Variants in CNTN6 observed in about 807,000 individuals in gnomAD.
CNTN6 encodes the protein contactin-6.
CNTN6 carries 137 observed loss-of-function variants against 122.8 expected under a neutral mutation model. The observed-to-expected ratio is 1.12, with a 90% confidence interval of 0.97 to 1.29. CNTN6 has a LOEUF of 1.29. CNTN6 is among the 50% of genes most tolerant of loss of function. CNTN6 has a pLI of 0.00. For synonymous variants in CNTN6, 570 were observed against 426.0 expected, an observed-to-expected ratio of 1.34 and a Z score of -4.16; for missense variants, 1,634 against 1,223.4, an observed-to-expected ratio of 1.34 and a Z score of -5.01.
At chr3:1,308,917 C>T (rs1024096804) in intron 7 of CNTN6, among the ~76,000 whole-genome samples, 7 of 152,010 alleles carry the variant, frequency 4.6e-5, no homozygotes, top group Admixed American at 3.3e-4. Flanking sequence ...TGATTATTTG[C>T]TATCTATTTA....
chr3:1,268,328 CT>C (rs1283736322), intron 4 of CNTN6, among the ~76,000 whole-genome samples: 24 of 152,248 alleles, frequency 1.6e-4, no homozygotes, highest in African/African-American at 5.8e-4. Context: ...AGAGAGTGGG[CT>C]GGGCGCGGTG....
intron 12 of CNTN6, among the ~76,000 whole-genome samples, chr3:1,354,209 G>A (rs1457035103): frequency 6.6e-6 from 1 of 151,100 alleles, no homozygotes; most frequent in African/African-American, 2.4e-5. Flanking sequence ...TATTTCAGAT[G>A]TGTAATATAG....
chr3:1,387,207 A>C (rs911637196), intron 20 of CNTN6, among the ~76,000 whole-genome samples: 11 of 152,228 alleles, frequency 7.2e-5, no homozygotes, highest in Non-Finnish European at 1.0e-4. Flanking sequence ...AGAAAATACA[A>C]AGTGCTGTGG....
At chr3:1,376,626 A>T (rs1463225733) in intron 16 of CNTN6, among the ~76,000 whole-genome samples, 2 of 150,370 alleles carry the variant, frequency 1.3e-5, no homozygotes, top group Non-Finnish European at 3.0e-5. Flanking sequence ...ATTGAAAAAA[A>T]ATAATTAATA....
chr3:1,308,942 A>G (rs1347370231), intron 7 of CNTN6, among the ~76,000 whole-genome samples: 1 of 152,076 alleles, frequency 6.6e-6, no homozygotes, highest in Non-Finnish European at 1.5e-5. Context: ...CTTTAGTAAG[A>G]CGTCTGCTTA....
chr3:1,259,513 A>G (rs9834544), intron 4 of CNTN6, among the ~76,000 whole-genome samples: 44,042 of 151,978 alleles, frequency 0.29, 7,916 homozygotes, highest in African/African-American at 0.51. Context: ...AAATGTAATT[A>G]TTTAATTTCT....
chr3:1,098,113 A>T (rs1453934942), intron 1 of CNTN6, among the ~76,000 whole-genome samples: 2 of 151,918 alleles, frequency 1.3e-5, no homozygotes, highest in Non-Finnish European at 2.9e-5. Flanking sequence ...GAGGGATAGC[A>T]TTGGGAGATA....
rs1702029869 is a variant in CNTN6 at position 1,329,767 on chromosome 3, C to G, written c.1214-18C>G. ...TAACTGAGTAATTAAACAATTTTGT[C>G]TTTGATTTTGTTTTTAGCCTCAGCT... On this transcript the variant is annotated intron_variant, in intron 10 of 22. Transcript: ENST00000446702. The G allele has an allele frequency of 6.3e-7, 1 of 1,597,952 alleles. No individual in the cohort carries two copies. Among genetic ancestry groups the G allele is most frequent in the Non-Finnish European group, 8.5e-7 (1 of 1,172,202 alleles).
At chr3:1,214,691 C>A (rs1382545988) in intron 2 of CNTN6, among the ~76,000 whole-genome samples, 1 of 152,100 alleles carries the variant, frequency 6.6e-6, no homozygotes, top group Non-Finnish European at 1.5e-5. Flanking sequence ...GACTTTTCTT[C>A]ATTGACTTCT....
intron 4 of CNTN6, among the ~76,000 whole-genome samples, chr3:1,264,950 A>T (rs2094903783): frequency 6.6e-6 from 1 of 151,096 alleles, no homozygotes. Flanking sequence ...TGTATGAGTG[A>T]GATCATTTGG....
intron 4 of CNTN6, among the ~76,000 whole-genome samples, chr3:1,272,617 A>G (rs572827972): frequency 6.6e-6 from 1 of 152,178 alleles, no homozygotes; most frequent in Non-Finnish European, 1.5e-5. Flanking sequence ...TTTCTGGTGA[A>G]TATTTTCCCT....
chr3:1,373,965 G>A lies in CNTN6; in HGVS notation c.1987G>A (p.Val663Ile), dbSNP rs957108193. The A allele has an allele frequency of 3.7e-6, 6 of 1,613,008 alleles. No individual in the cohort carries two copies. The Admixed American group carries it at 8.3e-5, about 22-fold the overall frequency. Residue 663 changes from valine (V) to isoleucine (I), a missense_variant, in exon 16 of 23, where the codon GTT becomes ATT. By Grantham distance (29) the Val-to-Ile change is conservative (BLOSUM62 3). Coordinates refer to ENST00000446702, the MANE Select transcript of CNTN6 (RefSeq NM_001289080.2). The stretch of plus-strand genomic sequence containing the variant: ...TGGTAAGACATACAATGCAACAGTG[G>A]TTGGTTTGAGTCCTTGGGTGGAATA... ...LNGKTYNATV[V>I]GLSPWVEYEF...
intron 2 of CNTN6, among the ~76,000 whole-genome samples, chr3:1,167,167 AAAC>A (rs1392198679): frequency 6.6e-6 from 1 of 152,106 alleles, no homozygotes; most frequent in African/African-American, 2.4e-5. Context: ...ACAAACAAAC[AAAC>A]AAAAACACCT....
At chr3:1,232,086 T>C (rs1471443463) in intron 4 of CNTN6, among the ~76,000 whole-genome samples, 1 of 152,222 alleles carries the variant, frequency 6.6e-6, no homozygotes, top group Admixed American at 6.5e-5. Context: ...ATGAGATAGG[T>C]GTTTTGAAAG....
chr3:1,278,371 C>T, intron 4 of CNTN6, 42 bp from the exon 5 acceptor site: 1 of 1,293,218 alleles, frequency 7.7e-7, no homozygotes, highest in Non-Finnish European at 1.1e-6. Context: ...ATTTATTCTG[C>T]AAAGTAACTA....
At chr3:1,198,907 G>T (rs1243781601) in intron 2 of CNTN6, among the ~76,000 whole-genome samples, 2 of 152,106 alleles carry the variant, frequency 1.3e-5, no homozygotes, top group African/African-American at 4.8e-5. Context: ...GATTTTGACT[G>T]GGCCTTAAAT....
intron 1 of CNTN6, among the ~76,000 whole-genome samples, chr3:1,145,773 G>T (rs1161613425): frequency 6.6e-6 from 1 of 152,052 alleles, no homozygotes. Context: ...TCACTAGATT[G>T]GAAATATTTA....
chr3:1,233,463 C>T (rs570872450), intron 4 of CNTN6, among the ~76,000 whole-genome samples: 62 of 152,144 alleles, frequency 4.1e-4, no homozygotes, highest in African/African-American at 1.0e-3. Flanking sequence ...AAGCCAGGCG[C>T]GGTGGCTCAC....
chr3:1,307,838 G>C (rs1387658884), intron 7 of CNTN6, among the ~76,000 whole-genome samples: 2 of 152,062 alleles, frequency 1.3e-5, no homozygotes, highest in African/African-American at 4.8e-5. Flanking sequence ...TAAAGGTAAG[G>C]AACAATTTTC....
Sources: allele counts gnomAD v4.1 joint callset (sites outside exome capture counted in the v4.1 genomes callset), GRCh38; gene constraint gnomAD v4.1.1; transcripts MANE v1.5; gene names NCBI Gene and HGNC (gene_info 2026-07-23, HGNC 2026-07-21).